Variants in TTC39C observed in about 807,000 individuals in gnomAD.
TTC39C encodes tetratricopeptide repeat protein 39C.
A neutral mutation model predicts 76.3 loss-of-function variants in TTC39C; 33 were observed. The ratio of observed to expected loss-of-function variants is 0.43; its 90% CI spans 0.33 to 0.58. The LOEUF (loss-of-function observed/expected upper bound fraction) is 0.58. TTC39C is among the 20% of genes least tolerant of loss of function. The probability of loss-of-function intolerance (pLI) is 0.04; values close to 1 mark genes in which losing one functional copy is unlikely to be tolerated. For synonymous variants in TTC39C, 254 were observed against 260.6 expected (o/e 0.97, Z 0.24); for missense variants, 595 against 701.4 (o/e 0.85, Z 1.71).
intron 6 of TTC39C, among the ~76,000 whole-genome samples, chr18:24,097,002 A>G (rs544804524): frequency 3.2e-4 from 49 of 152,312 alleles, no homozygotes; most frequent in African/African-American, 1.2e-3. Context: ...CAAGAAGTCA[A>G]AGGGAGCCAA....
Position 24,014,897 on chromosome 18 carries a change from C to CGCGGCG in TTC39C, c.31_36dup (p.Arg11_Arg12dup). The CGCGGCG allele has an allele frequency of 6.7e-7, 1 of 1,489,792 alleles. No individual in the cohort carries two copies. The allele number at this position is 1,489,792 out of a possible 1,614,324, so 92.3% of individuals were successfully genotyped here. A position where few individuals can be genotyped will look rare whatever the true frequency, so the allele number is the denominator to read the frequency against. ...ATGGCCGGCTCGGAGCAGCAGCGGC[C>CGCGGCG]GCGGCGGCGGGACGACGGAGACTCG... On this transcript the variant is annotated inframe_insertion, in exon 1 of 14. Transcript: ENST00000317571.
intron 1 of TTC39C, among the ~76,000 whole-genome samples, chr18:24,056,939 T>G (rs1288688780): frequency 6.6e-6 from 1 of 152,130 alleles, no homozygotes; most frequent in Non-Finnish European, 1.5e-5. Context: ...TGCCTCAGCC[T>G]CCGGAAGTGC....
In TTC39C at chr18:24,134,257, GTTTTTTGTTTTTTTT is replaced by G. The variant is rs1458592863; in HGVS notation, c.*1690_*1704del. 7.4e-4 allele frequency: 36 copies of G among 48,722 alleles called. No individual in the cohort carries two copies. The East Asian group carries it at 0.014, about 18-fold the overall frequency. 3.0% of individuals were successfully genotyped at this position (48,722 alleles called of 1,614,324 possible). On this transcript the variant is annotated 3_prime_UTR_variant, in exon 14 of 14. Coordinates refer to ENST00000317571, the MANE Select transcript of TTC39C (RefSeq NM_001135993.2). ...TGGTGCCCAAAAATATTGGACATCT[GTTTTTTGTTTTTTTT>G]TTTTTTTTTTTTTTTTTTTGAGACG...
chr18:24,130,715 C>A (rs924435803), intron 12 of TTC39C, among the ~76,000 whole-genome samples: 1 of 151,964 alleles, frequency 6.6e-6, no homozygotes, highest in African/African-American at 2.4e-5. Context: ...AGTACTTACA[C>A]AGACCTAGGT....
chr18:23,997,064 G>A (rs1244154355), intron 1 of TTC39C, among the ~76,000 whole-genome samples: 1 of 151,782 alleles, frequency 6.6e-6, no homozygotes, highest in Non-Finnish European at 1.5e-5. Flanking sequence ...AGCCGAGATC[G>A]CACCACTGCA....
chr18:24,103,691 CT>C (rs2145793083), intron 6 of TTC39C, among the ~76,000 whole-genome samples: 2 of 152,258 alleles, frequency 1.3e-5, no homozygotes, highest in East Asian at 3.9e-4. Context: ...GAGGCCACTT[CT>C]TTCTGCCCTT....
chr18:24,024,585 A>G lies in TTC39C; in HGVS notation c.167+9547A>G, dbSNP rs59945370. Among the ~76,000 whole-genome samples, 704 of 152,192 alleles carry G rather than the reference A, an allele frequency of 4.6e-3. 5 individuals are homozygous for G. The highest frequency in any genetic ancestry group is 0.016 in the African/African-American group (659 of 41,540). On this transcript the variant is annotated intron_variant, in intron 1 of 13. Transcript: ENST00000317571. ...AAGTGGTTTTAATAAGAAGTGTGAC[A>G]TTTTTGCAGTGAACCAGGCCTTCTT...
At position 24,128,958 on chromosome 18, in the gene TTC39C, T is replaced by A. The variant is rs1189784482; in HGVS notation, c.1493T>A (p.Leu498Gln). 6.2e-7 allele frequency: 1 copy of A among 1,613,476 alleles called. No individual in the cohort carries two copies. Among genetic ancestry groups the A allele is most frequent in the Non-Finnish European group, 8.5e-7 (1 of 1,179,772 alleles). Residue 498 changes from leucine to glutamine, a missense_variant, in exon 11 of 14, where the codon CTA (leucine) becomes CAA (glutamine). Coordinates refer to ENST00000317571, the MANE Select transcript of TTC39C (RefSeq NM_001135993.2). ...YLLLGAIHKC[L>Q]GNSEDAVQYF... ...CTTCTTGGTGCCATACACAAATGTC[T>A]AGGAAACTCAGAAGATGCTGTTCAG...
chr18:24,045,916 T>TATGTATATGTAC (rs1272749738), intron 1 of TTC39C, among the ~76,000 whole-genome samples: 1 of 39,322 alleles, frequency 2.5e-5, no homozygotes, highest in Non-Finnish European at 4.0e-5. Context: ...TATATATATA[T>TATGTATATGTAC]ATATATATAT....
intron 3 of TTC39C, among the ~76,000 whole-genome samples, chr18:24,067,326 G>A (rs1175534819): frequency 1.3e-5 from 2 of 152,126 alleles, no homozygotes. Context: ...TGCCATCTCT[G>A]TAGGTCAGAC....
intron 6 of TTC39C, among the ~76,000 whole-genome samples, chr18:24,102,579 GC>G (rs2084691216): frequency 6.6e-6 from 1 of 152,200 alleles, no homozygotes; most frequent in South Asian, 2.1e-4. Flanking sequence ...GGATGAGGAG[GC>G]TGTGGGGCGG....
At chr18:23,997,004 G>T (rs1223312447) in intron 1 of TTC39C, among the ~76,000 whole-genome samples, 1 of 152,174 alleles carries the variant, frequency 6.6e-6, no homozygotes, top group Non-Finnish European at 1.5e-5. Context: ...AGCTACTTGG[G>T]AGGCTGACAC....
intron 1 of TTC39C, among the ~76,000 whole-genome samples, chr18:24,006,094 C>G (rs796433488): frequency 2.0e-5 from 3 of 151,842 alleles, no homozygotes; most frequent in African/African-American, 7.2e-5. Flanking sequence ...CTCACTGCAG[C>G]CTCAACCTCC....
intron 8 of TTC39C, among the ~76,000 whole-genome samples, chr18:24,122,518 A>AAAAAAAAAAAG (rs1381890808): frequency 6.6e-6 from 1 of 150,976 alleles, no homozygotes; most frequent in African/African-American, 2.4e-5. Flanking sequence ...AAAAAAAAAA[A>AAAAAAAAAAAG]AAGAAGAGGG....
At chr18:24,053,720 A>G (rs541951739) in intron 1 of TTC39C, among the ~76,000 whole-genome samples, 10 of 152,356 alleles carry the variant, frequency 6.6e-5, no homozygotes, top group African/African-American at 2.4e-4. Context: ...AACCACAAGT[A>G]CAGACTATGT....
intron 12 of TTC39C, among the ~76,000 whole-genome samples, chr18:24,131,462 C>T (rs1009043799): frequency 1.3e-5 from 2 of 151,970 alleles, no homozygotes; most frequent in Admixed American, 1.3e-4. Flanking sequence ...CCTGTAATCC[C>T]AGCACTTTGG....
chr18:24,023,384 C>G (rs578092299), intron 1 of TTC39C, among the ~76,000 whole-genome samples: 1 of 152,332 alleles, frequency 6.6e-6, no homozygotes, highest in African/African-American at 2.4e-5. Flanking sequence ...GAGCCACATG[C>G]AGGTCTCAAC....
At chr18:24,059,336 T>TTTA (rs1410913859) in intron 1 of TTC39C, among the ~76,000 whole-genome samples, 1 of 152,178 alleles carries the variant, frequency 6.6e-6, no homozygotes, top group Non-Finnish European at 1.5e-5. Flanking sequence ...GTACTAATTT[T>TTTA]TTATTTTTTC....
chr18:24,065,956 G>T, intron 2 of TTC39C, 56 bp from the exon 3 acceptor site: 2 of 1,478,564 alleles, frequency 1.4e-6, no homozygotes. Flanking sequence ...GTAATAAGTT[G>T]GCTTAAATTT....
Sources: gnomAD v4.1 joint callset for allele counts (sites outside exome capture counted in the v4.1 genomes callset) on GRCh38, gnomAD v4.1.1 for gene constraint, MANE v1.5 for transcripts, NCBI Gene and HGNC (gene_info 2026-07-23, HGNC 2026-07-21) for gene names.